Variants in MAP7 observed in about 807,000 individuals in gnomAD.
The protein encoded by MAP7 is microtubule associated protein 7, also known as ensconsin.
A neutral mutation model predicts 94.8 loss-of-function variants in MAP7; 52 were observed. The observed-to-expected ratio is 0.55, with a 90% confidence interval of 0.44 to 0.69. MAP7 has a LOEUF of 0.69. Ranked by LOEUF, MAP7 falls within the 30% of genes least tolerant of loss-of-function variation. MAP7 has a pLI of 0.00. For missense variants in MAP7, 940 were observed against 964.6 expected (o/e 0.97, Z 0.34); for synonymous variants, 350 against 357.0 (o/e 0.98, Z 0.22).
intron 1 of MAP7, among the ~76,000 whole-genome samples, chr6:136,491,441 C>T (rs564704347): frequency 5.6e-4 from 86 of 152,278 alleles, no homozygotes; most frequent in Middle Eastern, 3.4e-3. Flanking sequence ...AGATTTCTCA[C>T]CCTGTGGTGC....
At chr6:136,378,602 A>T (rs1776899572) in intron 6 of MAP7, among the ~76,000 whole-genome samples, 1 of 152,222 alleles carries the variant, frequency 6.6e-6, no homozygotes, top group African/African-American at 2.4e-5. Flanking sequence ...CAATATAAAC[A>T]TAATCCTAGA....
Position 136,362,997 on chromosome 6 carries a change from T to A in MAP7, c.1274-295A>T, listed in dbSNP as rs553389288. Reference sequence around the variant, plus strand: ...ATTGAATGTGTACAAAGCCTCATGTTAGAGTCTGTGGGGAGTTATACACTG... The same window carrying A: ...ATTGAATGTGTACAAAGCCTCATGTAAGAGTCTGTGGGGAGTTATACACTG... On this transcript the variant is annotated intron_variant, in intron 10 of 17. Coordinates refer to ENST00000354570, the MANE Select transcript of MAP7 (RefSeq NM_003980.6). 9.5e-4 allele frequency among the ~76,000 whole-genome samples: 144 copies of A among 152,356 alleles called. 1 individual carries two copies. The highest frequency in any genetic ancestry group is 8.8e-5 in the Non-Finnish European group (6 of 68,030).
At chr6:136,457,638 G>C (rs1172430675) in intron 1 of MAP7, among the ~76,000 whole-genome samples, 1 of 151,952 alleles carries the variant, frequency 6.6e-6, no homozygotes, top group Non-Finnish European at 1.5e-5. Context: ...ATGTAAGAAT[G>C]GTTCAACATA....
rs1778151450 is a variant in MAP7 at position 136,382,769 on chromosome 6, C to T, written c.637+902G>A. On this transcript the variant is annotated intron_variant, in intron 6 of 17. Transcript: ENST00000354570. ...CATACACACATACAGAACATGCACACATTACATTTTTTAAAGATTATAAAC... is the reference window on the plus strand; with the variant it reads ...CATACACACATACAGAACATGCACATATTACATTTTTTAAAGATTATAAAC... Among the ~76,000 whole-genome samples, 3 of 152,140 alleles carry T rather than the reference C, an allele frequency of 2.0e-5. No individual in the cohort carries two copies. In the South Asian group the frequency reaches 6.2e-4, roughly 32 times the overall value.
At chr6:136,406,702 T>A (rs1034254369) in intron 3 of MAP7, among the ~76,000 whole-genome samples, 40 of 152,122 alleles carry the variant, frequency 2.6e-4, no homozygotes, top group African/African-American at 8.9e-4. Flanking sequence ...ATGCCTGTAA[T>A]CCCAGCTACT....
At chr6:136,356,894 C>T in intron 15 of MAP7, 100 bp from the exon 16 acceptor site, 1 of 906,156 alleles carries the variant, frequency 1.1e-6, no homozygotes, top group East Asian at 2.5e-5. Context: ...GCTGGTTCTG[C>T]TACTTAAGTG....
intron 16 of MAP7, among the ~76,000 whole-genome samples, chr6:136,346,462 C>G (rs967868676): frequency 6.6e-6 from 1 of 151,988 alleles, no homozygotes; most frequent in African/African-American, 2.4e-5. Flanking sequence ...CTCTGGCAGT[C>G]GAGGTGGGAG....
chr6:136,345,899 C>T lies in MAP7; in HGVS notation c.2196G>A (p.Gly732=). Residue 732 remains glycine (G), a synonymous_variant, in exon 17 of 18, where the codon GGG becomes GGA. Coordinates refer to ENST00000354570, the MANE Select transcript of MAP7 (RefSeq NM_003980.6). The part of the protein sequence containing the change: ...ILAFDDEGTL[G]PLPQVDGVQT... Reference sequence around the variant, plus strand: ...GAACACCATCTACCTGAGGCAGGGGCCCAAGTGTCCCTTCATCATCAAAGG... The same window carrying T: ...GAACACCATCTACCTGAGGCAGGGGTCCAAGTGTCCCTTCATCATCAAAGG... 1.2e-6 allele frequency: 2 copies of T among 1,614,098 alleles called. No individual in the cohort carries two copies. The highest frequency in any genetic ancestry group is 2.7e-5 in the African/African-American group (2 of 75,010).
chr6:136,452,532 C>T (rs777372392), intron 1 of MAP7, among the ~76,000 whole-genome samples: 3 of 152,066 alleles, frequency 2.0e-5, no homozygotes, highest in Non-Finnish European at 4.4e-5. Flanking sequence ...TGATCATCAG[C>T]ACTTTTTAGC....
chr6:136,442,000 A>G (rs1797997360), intron 1 of MAP7, among the ~76,000 whole-genome samples: 1 of 152,098 alleles, frequency 6.6e-6, no homozygotes. Flanking sequence ...GTGACACAGC[A>G]AGACCCTGTC....
rs756769767 is a variant in MAP7, at chr6:136,389,476, T to G, written c.286A>C (p.Arg96=). The change falls in exon 4 of 18, where the codon AGG becomes CGG. Residue 96 remains arginine, a synonymous_variant. Coordinates refer to ENST00000354570, the MANE Select transcript of MAP7 (RefSeq NM_003980.6). ...IVWLEREERA[R]QHYEKHLEER... ...TCCAGGTGCTTCTCGTAGTGCTGCC[T>G]GGCTCGCTCTTCTCTTTCTAACCAC... The G allele has an allele frequency of 1.2e-6, 2 of 1,611,138 alleles. No homozygotes were observed. Among genetic ancestry groups the G allele is most frequent in the East Asian group, 4.5e-5 (2 of 44,782 alleles).
At chr6:136,404,677 A>G (rs574764673) in intron 3 of MAP7, among the ~76,000 whole-genome samples, 1 of 152,326 alleles carries the variant, frequency 6.6e-6, no homozygotes, top group East Asian at 1.9e-4. Context: ...TGGTTTCAGA[A>G]AAAGACTAAA....
chr6:136,414,064 A>G, intron 2 of MAP7, among the ~76,000 whole-genome samples: 1 of 151,522 alleles, frequency 6.6e-6, no homozygotes, highest in Non-Finnish European at 1.5e-5. Context: ...CCTGGCTAAC[A>G]AGGTGAAACC....
rs370971857 is a variant in MAP7, at chr6:136,360,689, G to A, written c.1803+8C>T. On this transcript the variant is annotated splice_region_variant and intron_variant, in intron 13 of 17. Coordinates refer to ENST00000354570, the MANE Select transcript of MAP7 (RefSeq NM_003980.6). Reference sequence around the variant, plus strand: ...GCGTCCCGGGCCTCTCTACTAAGACGCAGCTACCTTCTTTCTCTCCAGGCG... The same window carrying A: ...GCGTCCCGGGCCTCTCTACTAAGACACAGCTACCTTCTTTCTCTCCAGGCG... 5.0e-6 allele frequency: 8 copies of A among 1,613,598 alleles called. No individual in the cohort carries two copies. The highest frequency in any genetic ancestry group is 2.7e-5 in the African/African-American group (2 of 74,926).
At chr6:136,367,238 CA>C (rs1794566749) in intron 8 of MAP7, among the ~76,000 whole-genome samples, 1 of 152,138 alleles carries the variant, frequency 6.6e-6, no homozygotes, top group Non-Finnish European at 1.5e-5. Flanking sequence ...AAGACCAAAA[CA>C]AACAAACAAA....
Position 136,550,359 on chromosome 6 carries a change from GC to G in MAP7, c.49del (p.Ala17GlnfsTer65), listed in dbSNP as rs1562499413. ...GGDGHRGGDG[A>X]VRSETAPDSY... is the part of the protein sequence containing the mutation. ...GCGGTCACCTGTTTCGCTTCGCACTGCGCCGTCGCCGCCCCTGTGGCCGTCG... is the reference window on the plus strand; with the variant it reads ...GCGGTCACCTGTTTCGCTTCGCACTGGCCGTCGCCGCCCCTGTGGCCGTCG... On this transcript the variant is annotated frameshift_variant, in exon 1 of 18. Coordinates refer to ENST00000354570, the MANE Select transcript of MAP7 (RefSeq NM_003980.6). LOFTEE classifies it high-confidence loss of function. The surrounding 1 kb of genome is among the most constrained non-coding windows in gnomAD (Gnocchi z 5.1). 1 of 1,529,618 alleles carries G rather than the reference GC, an allele frequency of 6.5e-7. No homozygotes were observed. Among genetic ancestry groups the G allele is most frequent in the Admixed American group, 2.0e-5 (1 of 51,164 alleles). The allele number at this position is 1,529,618 out of a possible 1,614,324, so 94.8% of individuals were successfully genotyped here. A position where few individuals can be genotyped will look rare whatever the true frequency, so the allele number is the denominator to read the frequency against.
intron 1 of MAP7, among the ~76,000 whole-genome samples, chr6:136,496,434 A>G (rs1562462577): frequency 6.6e-6 from 1 of 151,186 alleles, no homozygotes; most frequent in Non-Finnish European, 1.5e-5. Flanking sequence ...AAGTGTAAAC[A>G]TTTGTCAATG....
intron 1 of MAP7, chr6:136,466,707 T>G (rs1807221856): frequency 6.6e-7 from 1 of 1,516,802 alleles, no homozygotes; most frequent in Non-Finnish European, 8.8e-7. Context: ...ATTGCCTGAT[T>G]CTTGAACGTC....
At chr6:136,537,675 A>G (rs1399704888) in intron 1 of MAP7, among the ~76,000 whole-genome samples, 1 of 152,228 alleles carries the variant, frequency 6.6e-6, no homozygotes, top group Admixed American at 6.5e-5. Flanking sequence ...TGTTTAATCA[A>G]TTTCCACAGT....
Sources: allele counts gnomAD v4.1 joint callset (sites outside exome capture counted in the v4.1 genomes callset), GRCh38; gene constraint gnomAD v4.1.1; non-coding constraint Gnocchi (gnomAD v3.1); transcripts MANE v1.5; gene names NCBI Gene and HGNC (gene_info 2026-07-23, HGNC 2026-07-21).